SLC66A3: variants seen among roughly 807,000 people sequenced by gnomAD.
SLC66A3 encodes the protein solute carrier family 66 member 3.
SLC66A3 carries 23 observed loss-of-function variants against 25.5 expected under a neutral mutation model. That is an observed-to-expected ratio of 0.90 (90% confidence interval 0.65 to 1.28). SLC66A3 has a LOEUF of 1.28. Ranked by LOEUF, SLC66A3 falls within the 50% of genes most tolerant of loss-of-function variation. The probability of loss-of-function intolerance (pLI) is 0.00; values close to 1 mark genes in which losing one functional copy is unlikely to be tolerated. For synonymous variants in SLC66A3, 108 were observed against 112.6 expected, an observed-to-expected ratio of 0.96 and a Z score of 0.26; for missense variants, 246 against 262.1, an observed-to-expected ratio of 0.94 and a Z score of 0.42.
In SLC66A3 at chr2:11,178,800, A is replaced by G. The variant is rs1486528002; in HGVS notation, c.*972A>G. ...AAGGCATTGTTTTGTTAGATGCAGT[A>G]ATGATGTTTACCAGAGATTATTGTT... On this transcript the variant is annotated 3_prime_UTR_variant, in exon 7 of 7. Coordinates refer to ENST00000295083, the MANE Select transcript of SLC66A3 (RefSeq NM_152391.5). 2 of 152,220 alleles carry G rather than the reference A, an allele frequency of 1.3e-5. No homozygotes were observed. The highest frequency in any genetic ancestry group is 6.5e-5 in the Admixed American group (1 of 15,280). The allele number at this position is 152,220 out of a possible 1,614,324, so 9.4% of individuals were successfully genotyped here.
At chr2:11,174,318 G>A (rs956494227) in intron 5 of SLC66A3, among the ~76,000 whole-genome samples, 3 of 152,136 alleles carry the variant, frequency 2.0e-5, no homozygotes, top group Admixed American at 6.5e-5. Context: ...TGCTCAATTT[G>A]TAAATGAGAG....
intron 4 of SLC66A3, among the ~76,000 whole-genome samples, chr2:11,170,536 T>C (rs1351090581): frequency 7.2e-6 from 1 of 138,816 alleles, no homozygotes; most frequent in Non-Finnish European, 1.6e-5. Context: ...TGGAGTTTGT[T>C]TGTCAGTTCA....
At chr2:11,175,828 TGAA>T (rs1396044941) in intron 6 of SLC66A3, among the ~76,000 whole-genome samples, 3 of 152,238 alleles carry the variant, frequency 2.0e-5, no homozygotes, top group Non-Finnish European at 2.9e-5. Context: ...GTGTCACCTG[TGAA>T]GATCAGAAAA....
chr2:11,160,773 T>C, intron 3 of SLC66A3, 79 bp downstream of exon 3: 3 of 1,589,244 alleles, frequency 1.9e-6, no homozygotes, highest in Non-Finnish European at 2.6e-6. Flanking sequence ...GCAGGCTCCT[T>C]TACCAGATGT....
chr2:11,168,716 G>A (rs62120155), intron 4 of SLC66A3, among the ~76,000 whole-genome samples: 69,893 of 151,760 alleles, frequency 0.46, 17,439 homozygotes, highest in Non-Finnish European at 0.56. Flanking sequence ...CTCCTCACAG[G>A]TCTCCCTGCC....
chr2:11,165,491 G>A (rs1237824446), intron 4 of SLC66A3, among the ~76,000 whole-genome samples: 1 of 149,978 alleles, frequency 6.7e-6, no homozygotes, highest in Non-Finnish European at 1.5e-5. Context: ...CCACATCTCA[G>A]ACGATGGGCG....
intron 1 of SLC66A3, among the ~76,000 whole-genome samples, chr2:11,156,158 G>A (rs769243110): frequency 7.9e-5 from 12 of 152,148 alleles, no homozygotes; most frequent in Non-Finnish European, 1.5e-4. Flanking sequence ...GGTGATTGGT[G>A]GGGAATCTTT....
intron 1 of SLC66A3, among the ~76,000 whole-genome samples, chr2:11,156,174 T>G (rs779306286): frequency 6.6e-6 from 1 of 152,184 alleles, no homozygotes; most frequent in Non-Finnish European, 1.5e-5. Context: ...TCTTTCCTGG[T>G]TATTTAATGA....
At chr2:11,171,167 C>T (rs560283920) in intron 4 of SLC66A3, among the ~76,000 whole-genome samples, 3 of 152,072 alleles carry the variant, frequency 2.0e-5, no homozygotes, top group South Asian at 2.1e-4. Flanking sequence ...AAAATACAAA[C>T]ATTAGCCAGG....
chr2:11,174,537 C>T (rs1237488404), intron 5 of SLC66A3, among the ~76,000 whole-genome samples: 5 of 152,076 alleles, frequency 3.3e-5, no homozygotes, highest in African/African-American at 1.2e-4. Flanking sequence ...GGCTCTGTCA[C>T]CCAGGCTGGA....
At position 11,175,662 on chromosome 2, in the gene SLC66A3, G is replaced by T. The variant is rs192357262; in HGVS notation, c.517+653G>T. ...AAGCAGGGAAGTGGTGTCACCAATGGACTATGTTTTTGTTCTGTTTCTTTA... is the reference window on the plus strand; with the variant it reads ...AAGCAGGGAAGTGGTGTCACCAATGTACTATGTTTTTGTTCTGTTTCTTTA... On this transcript the variant is annotated intron_variant, in intron 6 of 6. Transcript: ENST00000295083. 2.9e-3 allele frequency among the ~76,000 whole-genome samples: 436 copies of T among 151,672 alleles called. 1 individual carries two copies. The highest frequency in any genetic ancestry group is 4.1e-3 in the Non-Finnish European group (280 of 68,018).
chr2:11,171,174 C>T (rs1662540403), intron 4 of SLC66A3, among the ~76,000 whole-genome samples: 1 of 152,060 alleles, frequency 6.6e-6, no homozygotes, highest in South Asian at 2.1e-4. Flanking sequence ...AAACATTAGC[C>T]AGGTGTGGTG....
At chr2:11,163,715 A>C (rs937501098) in intron 3 of SLC66A3, among the ~76,000 whole-genome samples, 1 of 152,182 alleles carries the variant, frequency 6.6e-6, no homozygotes, top group Non-Finnish European at 1.5e-5. Context: ...CTCGGTGCAC[A>C]TGCCTGACTT....
intron 1 of SLC66A3, among the ~76,000 whole-genome samples, chr2:11,157,543 G>A (rs1191807594): frequency 5.0e-5 from 6 of 120,916 alleles, no homozygotes; most frequent in Non-Finnish European, 9.3e-5. Context: ...CTTGCCAGCT[G>A]GGCCCCCGGG....
intron 4 of SLC66A3, among the ~76,000 whole-genome samples, chr2:11,164,649 A>G (rs1326871818): frequency 6.6e-6 from 1 of 151,502 alleles, no homozygotes; most frequent in South Asian, 2.1e-4. Flanking sequence ...CAAGTGAACA[A>G]AGGTCTCTGG....
intron 4 of SLC66A3, among the ~76,000 whole-genome samples, chr2:11,168,807 T>C (rs1399825359): frequency 6.6e-6 from 1 of 152,038 alleles, no homozygotes; most frequent in African/African-American, 2.4e-5. Context: ...CACAGGTTCT[T>C]GGTCAACTCC....
intron 3 of SLC66A3, among the ~76,000 whole-genome samples, chr2:11,163,237 A>G (rs1255922149): frequency 1.3e-5 from 2 of 152,214 alleles, no homozygotes; most frequent in Non-Finnish European, 2.9e-5. Flanking sequence ...AATCATCTGT[A>G]GGATCTCAGG....
intron 5 of SLC66A3, among the ~76,000 whole-genome samples, chr2:11,173,705 C>T (rs960965292): frequency 1.3e-5 from 2 of 152,128 alleles, no homozygotes; most frequent in Non-Finnish European, 2.9e-5. Flanking sequence ...TGGTTTTGGG[C>T]TAGGAAAGGC....
Position 11,160,502 on chromosome 2 carries a change from G to T in SLC66A3, c.180G>T (p.Gly60=). The change falls in exon 2 of 7, where the codon GGG becomes GGT. Residue 60 remains glycine, a synonymous_variant. Transcript: ENST00000295083. ...LVFLRYQCYY[G]YPPLTYLEYP... ...TTCTGCGGTACCAGTGTTACTATGG[G>T]TATCCGCCGCTGACCTACCTGGAGT... The T allele has an allele frequency of 6.2e-7, 1 of 1,614,106 alleles. No individual in the cohort carries two copies. The highest frequency in any genetic ancestry group is 1.1e-5 in the South Asian group (1 of 91,076).
Sources: gnomAD v4.1 joint callset for allele counts (sites outside exome capture counted in the v4.1 genomes callset) on GRCh38, gnomAD v4.1.1 for gene constraint, MANE v1.5 for transcripts, NCBI Gene and HGNC (gene_info 2026-07-23, HGNC 2026-07-21) for gene names.